ETV5: variants seen among roughly 807,000 people sequenced by gnomAD.
The protein encoded by ETV5 is ETS variant transcription factor 5.
ETV5 carries 10 observed loss-of-function variants against 70.0 expected under a neutral mutation model. The ratio of observed to expected loss-of-function variants is 0.14; its 90% CI spans 0.09 to 0.24. The LOEUF (loss-of-function observed/expected upper bound fraction) is 0.24, where lower values mean the gene tolerates loss of function less well. ETV5 is among the 10% of genes least tolerant of loss of function. The pLI is 1.00. For missense variants in ETV5, 453 were observed against 651.2 expected, an observed-to-expected ratio of 0.70 and a Z score of 3.31; for synonymous variants, 216 against 242.2, an observed-to-expected ratio of 0.89 and a Z score of 1.01.
chr3:186,071,374 A>C (rs1190722270), intron 7 of ETV5, among the ~76,000 whole-genome samples: 1 of 152,228 alleles, frequency 6.6e-6, no homozygotes, highest in Non-Finnish European at 1.5e-5. Flanking sequence ...AAAATCGAGA[A>C]GCAGCACAGC....
intron 7 of ETV5, among the ~76,000 whole-genome samples, chr3:186,068,383 G>C (rs1358647147): frequency 6.6e-6 from 1 of 152,226 alleles, no homozygotes. Flanking sequence ...CAGAAAGACT[G>C]ACATTTAGAT....
At chr3:186,107,145 G>A (rs1714607787) in intron 1 of ETV5, among the ~76,000 whole-genome samples, 1 of 152,114 alleles carries the variant, frequency 6.6e-6, no homozygotes, top group Admixed American at 6.5e-5. Flanking sequence ...CAGCACTTTG[G>A]CCCAAGGAAT....
At chr3:186,071,887 T>C (rs1713648076) in intron 7 of ETV5, among the ~76,000 whole-genome samples, 1 of 151,548 alleles carries the variant, frequency 6.6e-6, no homozygotes, top group African/African-American at 2.4e-5. Flanking sequence ...AACCTCCGCC[T>C]CTCGGGTTCA....
At position 186,072,727 on chromosome 3, in the gene ETV5, T is replaced by C. The variant is rs137903100; in HGVS notation, c.651-6655A>G. On this transcript the variant is annotated intron_variant, in intron 7 of 12. Coordinates refer to ENST00000306376, the MANE Select transcript of ETV5 (RefSeq NM_004454.3). ...TAAGGAACAAAAAGCATGTCCTTTG[T>C]AGGCCTACCTGTTTGTCTGACTTCT... 9.8e-5 allele frequency among the ~76,000 whole-genome samples: 15 copies of C among 152,370 alleles called. No homozygotes were observed. The East Asian group carries it at 2.9e-3, about 29-fold the overall frequency.
chr3:186,064,695 C>A, intron 8 of ETV5: 2 of 526,944 alleles, frequency 3.8e-6, no homozygotes, highest in Non-Finnish European at 3.4e-6. Context: ...TCAAGAGTCA[C>A]GGGAGGAAAA....
chr3:186,092,543 T>C (rs553632556), intron 5 of ETV5, among the ~76,000 whole-genome samples: 1 of 152,180 alleles, frequency 6.6e-6, no homozygotes, highest in East Asian at 1.9e-4. Flanking sequence ...AGCGAGCTTC[T>C]TGCCTCAGCC....
chr3:186,058,584 C>T (rs749284688), intron 9 of ETV5, among the ~76,000 whole-genome samples: 8 of 152,016 alleles, frequency 5.3e-5, no homozygotes, highest in African/African-American at 1.5e-4. Flanking sequence ...GGATTCACTG[C>T]GACTTAAAAA....
chr3:186,097,543 A>G (rs1325927519), intron 5 of ETV5, among the ~76,000 whole-genome samples: 2 of 152,188 alleles, frequency 1.3e-5, no homozygotes, highest in Non-Finnish European at 2.9e-5. Context: ...CTCCCTCTCC[A>G]GGGGAAGCTA....
At chr3:186,098,263 C>A (rs1334800505) in intron 5 of ETV5, among the ~76,000 whole-genome samples, 1 of 152,166 alleles carries the variant, frequency 6.6e-6, no homozygotes, top group African/African-American at 2.4e-5. Flanking sequence ...CTGTAGCTAC[C>A]AGCGGAGAGA....
At chr3:186,076,664 A>G (rs1713797801) in intron 7 of ETV5, 2 of 186,540 alleles carry the variant, frequency 1.1e-5, no homozygotes, top group Non-Finnish European at 2.3e-5. Flanking sequence ...ATCACTATCA[A>G]TAAACATATA....
At position 186,069,447 on chromosome 3, in the gene ETV5, C is replaced by T. The variant is rs552244354; in HGVS notation, c.651-3375G>A. Among the ~76,000 whole-genome samples the T allele has an allele frequency of 1.3e-3, 197 of 151,408 alleles. 3 individuals are homozygous for T. The highest frequency in any genetic ancestry group is 1.7e-3 in the Non-Finnish European group (113 of 67,992). ...CACTTGACGTTTAGAACATGGGCAC[C>T]GGCAGCATGCCGCAAACCTAAAGGG... On this transcript the variant is annotated intron_variant, in intron 7 of 12. Coordinates refer to ENST00000306376, the MANE Select transcript of ETV5 (RefSeq NM_004454.3).
At position 186,066,055 on chromosome 3, in the gene ETV5, G is replaced by C. The variant is rs1713435428; in HGVS notation, c.668C>G (p.Ser223Cys). The C allele has an allele frequency of 1.3e-5, 21 of 1,592,614 alleles. No individual in the cohort carries two copies. The highest frequency in any genetic ancestry group is 1.8e-5 in the Non-Finnish European group (21 of 1,171,574). The change falls in exon 8 of 13, where the codon TCT (serine) becomes TGT (cysteine). Residue 223 changes from serine to cysteine, a missense_variant. Ser to Cys is a moderately radical substitution (Grantham distance 112). Coordinates refer to ENST00000306376, the MANE Select transcript of ETV5 (RefSeq NM_004454.3). ...AGGAGGGAAGGGGTGGCAGGGTTCA[G>C]ACAGTTGTCTCTGAAATCTGTAAGA... ...PSEQRFQRQLSEPCHPFPPQP... is the reference protein window; with the variant it reads ...PSEQRFQRQLCEPCHPFPPQP...
In ETV5 at chr3:186,105,778, T is replaced by G; in HGVS notation, c.45+46A>C. ...AAGAGGTCCACAGGGGGAAGACTCATATTGGAGAGGGAGGACAAAACAAAC... is the reference window on the plus strand; with the variant it reads ...AAGAGGTCCACAGGGGGAAGACTCAGATTGGAGAGGGAGGACAAAACAAAC... On this transcript the variant is annotated intron_variant, in intron 2 of 12. Transcript: ENST00000306376. The surrounding 1 kb of genome is among the most constrained non-coding windows in gnomAD (Gnocchi z 4.5). The G allele has an allele frequency of 6.2e-7, 1 of 1,610,894 alleles. No individual in the cohort carries two copies. The highest frequency in any genetic ancestry group is 8.5e-7 in the Non-Finnish European group (1 of 1,177,106).
intron 9 of ETV5, among the ~76,000 whole-genome samples, chr3:186,059,020 A>T (rs930792558): frequency 4.0e-5 from 6 of 151,326 alleles, no homozygotes; most frequent in Non-Finnish European, 5.9e-5. Flanking sequence ...CTCAAAAAAA[A>T]AAAAATAAAA....
intron 7 of ETV5, among the ~76,000 whole-genome samples, chr3:186,077,281 C>T (rs2150148386): frequency 6.6e-6 from 1 of 152,322 alleles, no homozygotes; most frequent in Non-Finnish European, 1.5e-5. Context: ...AGCCAAGAGA[C>T]AACCTATAGT....
In ETV5 at chr3:186,079,987, T is replaced by G. The variant is rs754686848; in HGVS notation, c.480A>C (p.Ser160=). Residue 160 remains serine (S), a synonymous_variant, in exon 7 of 13, where the codon TCA becomes TCC. Coordinates refer to ENST00000306376, the MANE Select transcript of ETV5 (RefSeq NM_004454.3). ...CTGGGCCAGCTGCAGGGGCATGCCC[T>G]GAGGTGGGCAGAGTTGCCTGAGGTG... ...FPPPQATLPT[S]GHAPAAGPVQ... is the part of the protein sequence containing the mutation. 17 of 1,549,660 alleles carry G rather than the reference T, an allele frequency of 1.1e-5. 1 individual carries two copies. The South Asian group carries it at 2.1e-4, about 19-fold the overall frequency.
intron 5 of ETV5, among the ~76,000 whole-genome samples, chr3:186,104,130 C>T (rs1304657639): frequency 6.6e-6 from 1 of 152,206 alleles, no homozygotes; most frequent in Non-Finnish European, 1.5e-5. Flanking sequence ...TGATGCAACT[C>T]TCAAGAGAGG....
chr3:186,067,293 G>A (rs1013375767), intron 7 of ETV5, among the ~76,000 whole-genome samples: 23 of 152,224 alleles, frequency 1.5e-4, no homozygotes, highest in African/African-American at 5.5e-4. Flanking sequence ...TTAGCTGGAT[G>A]TGGTTGTGCG....
intron 5 of ETV5, among the ~76,000 whole-genome samples, chr3:186,082,098 C>G (rs1162100743): frequency 6.6e-6 from 1 of 152,252 alleles, no homozygotes; most frequent in Non-Finnish European, 1.5e-5. Flanking sequence ...CCTTTTCTGT[C>G]TTCTCTAGGA....
Sources: allele counts gnomAD v4.1 joint callset (sites outside exome capture counted in the v4.1 genomes callset), GRCh38; gene constraint gnomAD v4.1.1; non-coding constraint Gnocchi (gnomAD v3.1); transcripts MANE v1.5; gene names NCBI Gene and HGNC (gene_info 2026-07-23, HGNC 2026-07-21).